The following SLC35E2B variants were observed in gnomAD, a reference collection of about 807,000 sequenced individuals.
SLC35E2B encodes solute carrier family 35, member E2B.
SLC35E2B carries 18 observed loss-of-function variants against 32.4 expected under a neutral mutation model. The ratio of observed to expected loss-of-function variants is 0.56; its 90% confidence interval spans 0.38 to 0.82. The LOEUF (loss-of-function observed/expected upper bound fraction) is 0.82, where lower values mean the gene tolerates loss of function less well. SLC35E2B is among the 40% of genes least tolerant of loss of function. The pLI, the probability that SLC35E2B is intolerant of heterozygous loss-of-function variation, is 0.00. For synonymous variants in SLC35E2B, 132 were observed against 209.1 expected (o/e 0.63, Z 3.18); for missense variants, 263 against 469.5 (o/e 0.56, Z 4.06).
Position 1,680,467 on chromosome 1 carries a change from G to A in SLC35E2B, c.-147-3621C>T, listed in dbSNP as rs190125403. Among the ~76,000 whole-genome samples, 47 of 152,232 alleles carry A rather than the reference G, an allele frequency of 3.1e-4. 1 individual carries two copies. The East Asian group carries it at 4.8e-3, about 16-fold the overall frequency. On this transcript the variant is annotated intron_variant, in intron 2 of 9. Coordinates refer to ENST00000617444, the MANE Select transcript of SLC35E2B (RefSeq NM_001290264.2). ...CATTCTGGCAAGAAGCACTTGGGAC[G>A]GGCTACTAGGAGCATCCTCGTCTGT...
chr1:1,678,971 C>A (rs1024203072), intron 2 of SLC35E2B, among the ~76,000 whole-genome samples: 5 of 152,166 alleles, frequency 3.3e-5, no homozygotes, highest in African/African-American at 9.7e-5. Flanking sequence ...GCACTCGCGA[C>A]AGGGCTCCGC....
chr1:1,665,005 G>C lies in SLC35E2B; in HGVS notation c.*777C>G. 1.0e-6 allele frequency: 1 copy of C among 980,120 alleles called. No homozygotes were observed. Among genetic ancestry groups the C allele is most frequent in the Non-Finnish European group, 1.2e-6 (1 of 825,168 alleles). 60.7% of individuals were successfully genotyped at this position (980,120 alleles called of 1,614,324 possible). ...ACGAGAGGTTTGTCCTCAACCTCAG[G>C]GCTGGAAACCCCCACAGGTAGGAGG... On this transcript the variant is annotated 3_prime_UTR_variant, in exon 10 of 10. Coordinates refer to ENST00000617444, the MANE Select transcript of SLC35E2B (RefSeq NM_001290264.2).
At chr1:1,678,195 T>G (rs756598003) in intron 2 of SLC35E2B, among the ~76,000 whole-genome samples, 2 of 152,114 alleles carry the variant, frequency 1.3e-5, no homozygotes, top group Non-Finnish European at 2.9e-5. Flanking sequence ...CGTGACCTCC[T>G]TCTGTGTTTA....
At chr1:1,682,833 C>A (rs1353203274) in intron 2 of SLC35E2B, among the ~76,000 whole-genome samples, 2 of 152,034 alleles carry the variant, frequency 1.3e-5, no homozygotes, top group African/African-American at 4.8e-5. Flanking sequence ...CCTGTAATCC[C>A]AGCACTTTGG....
Position 1,666,025 on chromosome 1 carries a change from G to C in SLC35E2B, c.981-6C>G. The C allele has an allele frequency of 6.5e-7, 1 of 1,548,204 alleles. No individual in the cohort carries two copies. Among genetic ancestry groups the C allele is most frequent in the Non-Finnish European group, 8.7e-7 (1 of 1,144,660 alleles). ...GTTTCACGGTGCTGGCGACGCTGCG[G>C]AGGCAAGGGGAGGCAGCAGGGGCGC... is the stretch of plus-strand genomic sequence containing the variant. On this transcript the variant is annotated splice_polypyrimidine_tract_variant and splice_region_variant and intron_variant, in intron 9 of 9. Transcript: ENST00000617444.
chr1:1,688,051 G>A (rs184512837), intron 2 of SLC35E2B, among the ~76,000 whole-genome samples: 25 of 152,268 alleles, frequency 1.6e-4, no homozygotes, highest in Admixed American at 1.6e-3. Flanking sequence ...ATCTAGGAAT[G>A]AACTCAGGGT....
Position 1,666,611 on chromosome 1 carries a change from G to A in SLC35E2B, c.981-592C>T, listed in dbSNP as rs116182006. On this transcript the variant is annotated intron_variant, in intron 9 of 9. Coordinates refer to ENST00000617444, the MANE Select transcript of SLC35E2B (RefSeq NM_001290264.2). Reference sequence around the variant, plus strand: ...CTCTCTAAAGAACAAGAACATCACCGGGCGCAGCGGCTTAGCCTGGAATCC... The same window carrying A: ...CTCTCTAAAGAACAAGAACATCACCAGGCGCAGCGGCTTAGCCTGGAATCC... Among the ~76,000 whole-genome samples, 370 of 152,320 alleles carry A rather than the reference G, an allele frequency of 2.4e-3. 1 individual carries two copies. The highest frequency in any genetic ancestry group is 7.2e-3 in the African/African-American group (301 of 41,560).
chr1:1,673,060 G>A (rs36048328), intron 5 of SLC35E2B: 57,885 of 165,918 alleles, frequency 0.35, 12,720 homozygotes, highest in Non-Finnish European at 0.49. Flanking sequence ...GTGTCATTTT[G>A]TTTACGATTT....
chr1:1,680,952 G>A (rs1306415269), intron 2 of SLC35E2B, among the ~76,000 whole-genome samples: 1 of 151,762 alleles, frequency 6.6e-6, no homozygotes, highest in African/African-American at 2.4e-5. Flanking sequence ...ACAGGCGCCT[G>A]CCACCACGCC....
In SLC35E2B at chr1:1,663,169, A is replaced by C. The variant is rs1458291648; in HGVS notation, c.*2613T>G. 2.2e-6 allele frequency: 2 copies of C among 916,706 alleles called. No homozygotes were observed. Among genetic ancestry groups the C allele is most frequent in the Non-Finnish European group, 2.6e-6 (2 of 766,618 alleles). The allele number at this position is 916,706 out of a possible 1,614,324, so 56.8% of individuals were successfully genotyped here. ...GAGGAAGAGGCCCCAGAGCAGCGTT[A>C]CACAGGAAATTACCCTATTTGCTAA... On this transcript the variant is annotated 3_prime_UTR_variant, in exon 10 of 10. Transcript: ENST00000617444.
At chr1:1,689,048 A>T (rs960663754) in intron 2 of SLC35E2B, among the ~76,000 whole-genome samples, 10 of 151,926 alleles carry the variant, frequency 6.6e-5, no homozygotes, top group Admixed American at 3.3e-4. Flanking sequence ...GGTGGGTGCC[A>T]GTAGTCCCAA....
chr1:1,688,640 C>G (rs1379145613), intron 2 of SLC35E2B, among the ~76,000 whole-genome samples: 2 of 151,038 alleles, frequency 1.3e-5, no homozygotes, highest in Middle Eastern at 6.8e-3. Flanking sequence ...TATGTAGTCT[C>G]GAGATAGATC....
chr1:1,667,836 A>C (rs560885318), intron 9 of SLC35E2B, among the ~76,000 whole-genome samples: 1 of 151,502 alleles, frequency 6.6e-6, no homozygotes, highest in Non-Finnish European at 1.5e-5. Flanking sequence ...TTTATTTTAC[A>C]GTTTCTCATT....
At chr1:1,685,602 G>C (rs908123077) in intron 2 of SLC35E2B, among the ~76,000 whole-genome samples, 1 of 151,940 alleles carries the variant, frequency 6.6e-6, no homozygotes, top group Non-Finnish European at 1.5e-5. Context: ...AATCAACAAG[G>C]GTAGGGGAAA....
intron 2 of SLC35E2B, among the ~76,000 whole-genome samples, chr1:1,678,624 G>T (rs1005593131): frequency 6.6e-6 from 1 of 152,016 alleles, no homozygotes; most frequent in Non-Finnish European, 1.5e-5. Context: ...GGAGAAGGCC[G>T]ACCCCTCCAC....
chr1:1,669,898 G>C, intron 7 of SLC35E2B, 162 bp from the exon 8 acceptor site: 1 of 882,582 alleles, frequency 1.1e-6, no homozygotes, highest in Non-Finnish European at 1.8e-6. Flanking sequence ...AAACGCAAAC[G>C]CACACCAGGC....
intron 2 of SLC35E2B, among the ~76,000 whole-genome samples, chr1:1,680,525 G>A (rs910677900): frequency 5.3e-5 from 8 of 152,108 alleles, no homozygotes; most frequent in African/African-American, 1.7e-4. Context: ...GCCCAGCCCT[G>A]GGACACGCAT....
rs1157780682 is a variant in SLC35E2B, at chr1:1,692,700, G to C, written c.-817C>G. 1 of 983,480 alleles carries C rather than the reference G, an allele frequency of 1.0e-6. No homozygotes were observed. Among genetic ancestry groups the C allele is most frequent in the Admixed American group, 6.2e-5 (1 of 16,216 alleles). 60.9% of individuals were successfully genotyped at this position (983,480 alleles called of 1,614,324 possible). The stretch of plus-strand genomic sequence containing the variant: ...TCGGGCTCCTCGCTGCCCCGCGGGC[G>C]CCGCTCCTCAGTGCCCCAGAGCCAC... On this transcript the variant is annotated 5_prime_UTR_variant, in exon 1 of 10. Coordinates refer to ENST00000617444, the MANE Select transcript of SLC35E2B (RefSeq NM_001290264.2).
Position 1,670,152 on chromosome 1 carries a change from C to T in SLC35E2B, c.708-1G>A. 1 of 1,550,018 alleles carries T rather than the reference C, an allele frequency of 6.5e-7. No homozygotes were observed. ...CTTTTTTGAAAAAACATTTTGCAAA[C>T]TAGAATAAAGAAAAGAGGTTATGCA... On this transcript the variant is annotated splice_acceptor_variant, in intron 6 of 9. Transcript: ENST00000617444. LOFTEE classifies it high-confidence loss of function.
Sources: gnomAD v4.1 joint callset for allele counts (sites outside exome capture counted in the v4.1 genomes callset) on GRCh38, gnomAD v4.1.1 for gene constraint, MANE v1.5 for transcripts, NCBI Gene and HGNC (gene_info 2026-07-23, HGNC 2026-07-21) for gene names.